The following CNTNAP5 variants were observed in gnomAD, a reference collection of about 807,000 sequenced individuals.
CNTNAP5 encodes the protein contactin associated protein family member 5, also known as contactin-associated protein-like 5.
In CNTNAP5, 72 loss-of-function variants were observed where a neutral mutation model predicts 150.2. The observed-to-expected ratio is 0.48, with a 90% CI of 0.40 to 0.58. CNTNAP5 has a LOEUF of 0.58. Ranked by LOEUF, CNTNAP5 falls within the 20% of genes least tolerant of loss-of-function variation. The pLI, the probability that CNTNAP5 is intolerant of heterozygous loss-of-function variation, is 0.00. For synonymous variants in CNTNAP5, 672 were observed against 619.8 expected (o/e 1.08, Z -1.25); for missense variants, 1,636 against 1,626.2 (o/e 1.01, Z -0.10).
In CNTNAP5 at chr2:124,816,098, A is replaced by G. The variant is rs554636334; in HGVS notation, c.3217+17778A>G. Among the ~76,000 whole-genome samples, 13 of 152,332 alleles carry G rather than the reference A, an allele frequency of 8.5e-5. No individual in the cohort carries two copies. In the South Asian group the frequency reaches 2.7e-3, roughly 32 times the overall value. On this transcript the variant is annotated intron_variant, in intron 19 of 23. Coordinates refer to ENST00000682447, the MANE Select transcript of CNTNAP5 (RefSeq NM_001367498.1). ...GCAATATAAATGAATAAAAATCACT[A>G]TACTAGGAAGCCGGGGAGCTGGGTT...
chr2:124,837,272 G>A (rs1345965812), intron 19 of CNTNAP5, among the ~76,000 whole-genome samples: 2 of 152,018 alleles, frequency 1.3e-5, no homozygotes, highest in African/African-American at 2.4e-5. Flanking sequence ...TACAGGGTAG[G>A]TGGGGCATGT....
At chr2:124,904,600 C>G (rs1558820723) in intron 22 of CNTNAP5, among the ~76,000 whole-genome samples, 1 of 151,920 alleles carries the variant, frequency 6.6e-6, no homozygotes, top group South Asian at 2.1e-4. Context: ...TAATCTTTGG[C>G]AAAATTTCCA....
At chr2:124,043,607 A>G (rs1681448703) in intron 1 of CNTNAP5, among the ~76,000 whole-genome samples, 1 of 151,838 alleles carries the variant, frequency 6.6e-6, no homozygotes, top group Admixed American at 6.6e-5. Context: ...CATTTTGCCA[A>G]TGTTTTCTTT....
At chr2:124,679,994 G>T (rs1034101764) in intron 13 of CNTNAP5, among the ~76,000 whole-genome samples, 1 of 151,798 alleles carries the variant, frequency 6.6e-6, no homozygotes, top group African/African-American at 2.4e-5. Flanking sequence ...AGCAGTCTCT[G>T]TATTTCCATC....
chr2:124,161,063 A>G (rs1684665549), intron 1 of CNTNAP5, among the ~76,000 whole-genome samples: 1 of 152,188 alleles, frequency 6.6e-6, no homozygotes, highest in Non-Finnish European at 1.5e-5. Flanking sequence ...GGAAGTATAG[A>G]TAATAAAGGA....
intron 7 of CNTNAP5, among the ~76,000 whole-genome samples, chr2:124,492,168 G>A (rs892134651): frequency 1.3e-5 from 2 of 151,996 alleles, no homozygotes; most frequent in Non-Finnish European, 2.9e-5. Context: ...TATTTTTAGT[G>A]TAATATCCAA....
chr2:124,674,379 C>A (rs1363333782), intron 13 of CNTNAP5, among the ~76,000 whole-genome samples: 1 of 134,612 alleles, frequency 7.4e-6, no homozygotes, highest in African/African-American at 2.8e-5. Flanking sequence ...CTCCTTCCCT[C>A]CCTCCTTTGT....
intron 19 of CNTNAP5, among the ~76,000 whole-genome samples, chr2:124,846,981 G>A (rs1275218771): frequency 1.3e-5 from 2 of 152,208 alleles, no homozygotes; most frequent in South Asian, 4.1e-4. Flanking sequence ...GGTAGCAGGG[G>A]AATGAAGTGG....
intron 21 of CNTNAP5, among the ~76,000 whole-genome samples, chr2:124,878,408 A>G (rs1677902637): frequency 6.6e-6 from 1 of 152,132 alleles, no homozygotes. Context: ...TGATGTGCCT[A>G]GGATGATGCC....
chr2:124,338,008 T>C (rs1457455859), intron 3 of CNTNAP5, among the ~76,000 whole-genome samples: 1 of 152,210 alleles, frequency 6.6e-6, no homozygotes, highest in South Asian at 2.1e-4. Flanking sequence ...GCATGAAGTG[T>C]TCTTCCATTT....
chr2:124,381,169 G>A (rs1386131567), intron 3 of CNTNAP5, among the ~76,000 whole-genome samples: 2 of 152,088 alleles, frequency 1.3e-5, no homozygotes, highest in Non-Finnish European at 2.9e-5. Context: ...GGTGGCTGGG[G>A]GCAAGTGCAC....
chr2:124,458,222 TAATA>T (rs1693166597), intron 6 of CNTNAP5, among the ~76,000 whole-genome samples: 2 of 145,992 alleles, frequency 1.4e-5, no homozygotes, highest in South Asian at 2.1e-4. Flanking sequence ...ATAATATATA[TAATA>T]AATATATATT....
intron 6 of CNTNAP5, among the ~76,000 whole-genome samples, chr2:124,460,830 A>T (rs994684020): frequency 3.9e-5 from 6 of 152,292 alleles, no homozygotes; most frequent in Middle Eastern, 3.4e-3. Context: ...AAAACTATTT[A>T]TTTGGTGATC....
chr2:124,243,695 T>C (rs1371331033), intron 3 of CNTNAP5, among the ~76,000 whole-genome samples: 1 of 152,116 alleles, frequency 6.6e-6, no homozygotes, highest in Admixed American at 6.6e-5. Flanking sequence ...GTCCAAAATC[T>C]ACCTATTGGG....
chr2:124,550,502 G>A (rs1041083530), intron 10 of CNTNAP5, among the ~76,000 whole-genome samples: 8 of 152,168 alleles, frequency 5.3e-5, no homozygotes, highest in African/African-American at 1.9e-4. Context: ...CAGTAATCCA[G>A]AGAGCTCTAC....
intron 13 of CNTNAP5, among the ~76,000 whole-genome samples, chr2:124,731,344 T>C (rs1274169058): frequency 6.6e-6 from 1 of 152,098 alleles, no homozygotes; most frequent in East Asian, 1.9e-4. Context: ...TCTCACCTTT[T>C]TTCACTTCTT....
At chr2:124,719,621 T>A (rs1479573110) in intron 13 of CNTNAP5, among the ~76,000 whole-genome samples, 1 of 152,234 alleles carries the variant, frequency 6.6e-6, no homozygotes, top group East Asian at 1.9e-4. Flanking sequence ...TTCCACTGGC[T>A]ACGTAATAGT....
chr2:124,871,270 A>ATATTTATTTATTTATTTATTTATTTATT (rs749799468), intron 21 of CNTNAP5, among the ~76,000 whole-genome samples: 1 of 125,818 alleles, frequency 7.9e-6, no homozygotes, highest in Non-Finnish European at 1.5e-5. Context: ...ATACATATAC[A>ATATTTATTTATTTATTTATTTATTTATT]TATTTACTTA....
chr2:124,751,262 A>G (rs1453079603), intron 14 of CNTNAP5, among the ~76,000 whole-genome samples: 4 of 152,156 alleles, frequency 2.6e-5, no homozygotes, highest in Non-Finnish European at 4.4e-5. Context: ...GAAATTTAAA[A>G]TAATATAAAA....
Sources: allele counts gnomAD v4.1 joint callset (sites outside exome capture counted in the v4.1 genomes callset), GRCh38; gene constraint gnomAD v4.1.1; transcripts MANE v1.5; gene names NCBI Gene and HGNC (gene_info 2026-07-23, HGNC 2026-07-21).